The following AMBRA1 variants were observed in gnomAD, a reference collection of about 807,000 sequenced individuals.
AMBRA1 encodes activating molecule in BECN1-regulated autophagy protein 1.
AMBRA1 carries 47 observed loss-of-function variants against 125.4 expected under a neutral mutation model. The observed-to-expected ratio is 0.37, with a 90% CI of 0.30 to 0.48. The LOEUF is 0.48. AMBRA1 is among the 20% of genes least tolerant of loss of function. AMBRA1 has a pLI of 0.99. For missense variants in AMBRA1, 1,331 were observed against 1,693.4 expected (o/e 0.79, Z 3.76); for synonymous variants, 626 against 655.5 (o/e 0.95, Z 0.69).
intron 11 of AMBRA1, among the ~76,000 whole-genome samples, chr11:46,490,222 C>G (rs1227935019): frequency 1.3e-5 from 2 of 152,070 alleles, no homozygotes; most frequent in Non-Finnish European, 2.9e-5. Context: ...GCTGCAATAG[C>G]TTTAAATGTA....
At chr11:46,410,603 T>C (rs911838017) in intron 15 of AMBRA1, among the ~76,000 whole-genome samples, 17 of 152,040 alleles carry the variant, frequency 1.1e-4, no homozygotes, top group Non-Finnish European at 2.9e-5. Context: ...GCTTCTCCCT[T>C]CCCCCTGACA....
intron 9 of AMBRA1, among the ~76,000 whole-genome samples, chr11:46,500,212 A>C (rs149527723): frequency 2.0e-5 from 3 of 152,320 alleles, no homozygotes; most frequent in Non-Finnish European, 4.4e-5. Flanking sequence ...CTGCTGTTCT[A>C]AGAAGCAGTG....
chr11:46,471,145 C>A (rs923220131), intron 11 of AMBRA1, among the ~76,000 whole-genome samples: 3 of 152,092 alleles, frequency 2.0e-5, no homozygotes, highest in Admixed American at 6.5e-5. Context: ...AGAGTTTAGA[C>A]GAAATTTGAA....
intron 1 of AMBRA1, among the ~76,000 whole-genome samples, chr11:46,589,787 T>A (rs900584674): frequency 2.6e-5 from 4 of 151,496 alleles, no homozygotes; most frequent in South Asian, 2.1e-4. Flanking sequence ...TCCCCGCTAA[T>A]TTTTTTTGTA....
At chr11:46,403,888 A>G (rs1244342745) in intron 17 of AMBRA1, among the ~76,000 whole-genome samples, 1 of 152,090 alleles carries the variant, frequency 6.6e-6, no homozygotes, top group Non-Finnish European at 1.5e-5. Context: ...CCACAAGCAG[A>G]GCAGGCTTCC....
At chr11:46,418,250 A>C (rs945683635) in intron 14 of AMBRA1, among the ~76,000 whole-genome samples, 198 bp from the exon 15 acceptor site, 4 of 143,070 alleles carry the variant, frequency 2.8e-5, no homozygotes, top group Non-Finnish European at 4.5e-5. Context: ...TATATAATAT[A>C]TATTTTATTA....
chr11:46,483,441 G>C (rs1950151025), intron 11 of AMBRA1, among the ~76,000 whole-genome samples: 1 of 152,172 alleles, frequency 6.6e-6, no homozygotes, highest in South Asian at 2.1e-4. Context: ...AAGTTTTAAA[G>C]AAAGGAAATT....
At chr11:46,404,662 C>T (rs1945922704) in intron 17 of AMBRA1, among the ~76,000 whole-genome samples, 3 of 152,198 alleles carry the variant, frequency 2.0e-5, no homozygotes, top group Non-Finnish European at 4.4e-5. Flanking sequence ...CTGCTGCTCC[C>T]GCTGACCAGA....
At chr11:46,428,380 G>A (rs562938683) in intron 14 of AMBRA1, among the ~76,000 whole-genome samples, 244 of 152,242 alleles carry the variant, frequency 1.6e-3, no homozygotes, top group African/African-American at 5.7e-3. Context: ...CCACAATACT[G>A]TTCCATGGAG....
intron 11 of AMBRA1, among the ~76,000 whole-genome samples, chr11:46,456,100 A>G (rs1454775712): frequency 6.6e-6 from 1 of 152,240 alleles, no homozygotes; most frequent in Non-Finnish European, 1.5e-5. Context: ...GAGTATCATT[A>G]CCTTTATTCC....
At chr11:46,401,790 A>G (rs1430048897) in intron 17 of AMBRA1, among the ~76,000 whole-genome samples, 1 of 152,008 alleles carries the variant, frequency 6.6e-6, no homozygotes, top group Non-Finnish European at 1.5e-5. Flanking sequence ...TAGTCTCCAC[A>G]CTGTTCCTAT....
intron 11 of AMBRA1, among the ~76,000 whole-genome samples, chr11:46,458,011 G>A (rs1948928304): frequency 6.6e-6 from 1 of 152,060 alleles, no homozygotes; most frequent in Admixed American, 6.5e-5. Context: ...TGAAGTGCAG[G>A]AACCCACTAA....
At chr11:46,590,947 A>G (rs1319113168) in intron 1 of AMBRA1, among the ~76,000 whole-genome samples, 1 of 152,024 alleles carries the variant, frequency 6.6e-6, no homozygotes, top group East Asian at 1.9e-4. Context: ...AAAGAAAAAA[A>G]GCTGAATGAA....
At chr11:46,411,099 CAAAAAAAAAAAAAAA>C (rs1249778478) in intron 15 of AMBRA1, among the ~76,000 whole-genome samples, 4 of 60,190 alleles carry the variant, frequency 6.6e-5, no homozygotes, top group African/African-American at 1.4e-4. Flanking sequence ...GACTCTGTCT[CAAAAAAAAAAAAAAA>C]GAAAAAAAAA....
chr11:46,493,860 A>G, intron 10 of AMBRA1, 152 bp from the exon 11 acceptor site: 1 of 666,616 alleles, frequency 1.5e-6, no homozygotes, highest in Non-Finnish European at 2.5e-6. Flanking sequence ...CCTTCCGCAG[A>G]TTTGTATCTA....
Position 46,396,709 on chromosome 11 carries a change from C to T in AMBRA1, c.*741G>A, listed in dbSNP as rs1945478848. 1 of 152,656 alleles carries T rather than the reference C, an allele frequency of 6.6e-6. No individual in the cohort carries two copies. Among genetic ancestry groups the T allele is most frequent in the Non-Finnish European group, 1.5e-5 (1 of 68,072 alleles). The allele number at this position is 152,656 out of a possible 1,614,324, so 9.5% of individuals were successfully genotyped here. A position where few individuals can be genotyped will look rare whatever the true frequency, so the allele number is the denominator to read the frequency against. On this transcript the variant is annotated 3_prime_UTR_variant, in exon 18 of 18. Coordinates refer to ENST00000683756, the MANE Select transcript of AMBRA1 (RefSeq NM_001387011.1). ...AGCTTTGGCCTAGGCTCAGGTAATA[C>T]TGACACCCACAGGCGCTGCTCTGAG...
At chr11:46,456,299 A>G (rs1948840187) in intron 11 of AMBRA1, among the ~76,000 whole-genome samples, 1 of 152,216 alleles carries the variant, frequency 6.6e-6, no homozygotes, top group Admixed American at 6.5e-5. Context: ...TACCTCTGAC[A>G]AAAGACTTGC....
intron 7 of AMBRA1, among the ~76,000 whole-genome samples, chr11:46,537,510 C>G (rs138534531): frequency 1.6e-4 from 24 of 152,276 alleles, no homozygotes; most frequent in African/African-American, 5.3e-4. Flanking sequence ...AGGCCAAGGG[C>G]ACCCTACCGC....
rs1350434881 is a variant in AMBRA1 at position 46,461,040 on chromosome 11, C to T, written c.2522-17442G>A. Among the ~76,000 whole-genome samples the T allele has an allele frequency of 3.3e-5, 5 of 152,258 alleles. 1 individual carries two copies. Among genetic ancestry groups the T allele is most frequent in the Admixed American group, 2.0e-4 (3 of 15,294 alleles). On this transcript the variant is annotated intron_variant, in intron 11 of 17. Coordinates refer to ENST00000683756, the MANE Select transcript of AMBRA1 (RefSeq NM_001387011.1). ...GGAGGACCCCTTGAGCTCAGGAGCTCGAGACCAGCCTCAGCAATCTAATGA... is the reference window on the plus strand; with the variant it reads ...GGAGGACCCCTTGAGCTCAGGAGCTTGAGACCAGCCTCAGCAATCTAATGA...
Sources: allele counts gnomAD v4.1 joint callset (sites outside exome capture counted in the v4.1 genomes callset), GRCh38; gene constraint gnomAD v4.1.1; transcripts MANE v1.5; gene names NCBI Gene and HGNC (gene_info 2026-07-23, HGNC 2026-07-21).